NELL1: variants seen among roughly 807,000 people sequenced by gnomAD.
NELL1 encodes neural EGFL like 1.
In NELL1, 76 loss-of-function variants were observed where a neutral mutation model predicts 107.4. The ratio of observed to expected loss-of-function variants is 0.71; its 90% CI spans 0.59 to 0.86. NELL1 has a LOEUF of 0.86. Among genes scored for constraint, NELL1 ranks in the 40% least tolerant of loss-of-function variants. The probability of loss-of-function intolerance (pLI) is 0.00; values close to 1 mark genes in which losing one functional copy is unlikely to be tolerated. For synonymous variants in NELL1, 353 were observed against 341.2 expected, an observed-to-expected ratio of 1.03 and a Z score of -0.38; for missense variants, 1,024 against 1,005.5, an observed-to-expected ratio of 1.02 and a Z score of -0.25.
intron 12 of NELL1, among the ~76,000 whole-genome samples, chr11:21,014,070 A>G (rs933987974): frequency 6.6e-6 from 1 of 152,008 alleles, no homozygotes; most frequent in East Asian, 1.9e-4. Context: ...TTGTTTCTCT[A>G]ATTGTTCCAG....
intron 12 of NELL1, among the ~76,000 whole-genome samples, chr11:21,091,041 A>C (rs1443079756): frequency 6.6e-6 from 1 of 152,212 alleles, no homozygotes; most frequent in Non-Finnish European, 1.5e-5. Context: ...GATGATGAAT[A>C]CACATTTTCT....
chr11:20,994,830 A>G (rs901142730), intron 12 of NELL1, among the ~76,000 whole-genome samples: 2 of 152,230 alleles, frequency 1.3e-5, no homozygotes, highest in Non-Finnish European at 2.9e-5. Flanking sequence ...TTTAATTTCT[A>G]ATAAGGTAAC....
intron 16 of NELL1, among the ~76,000 whole-genome samples, chr11:21,547,291 T>A (rs1856466125): frequency 6.6e-6 from 1 of 151,910 alleles, no homozygotes; most frequent in African/African-American, 2.4e-5. Flanking sequence ...AGCAGCCTGA[T>A]TATAGATGTG....
chr11:20,715,672 C>T (rs1052245409), intron 2 of NELL1, among the ~76,000 whole-genome samples: 1 of 152,234 alleles, frequency 6.6e-6, no homozygotes, highest in East Asian at 1.9e-4. Flanking sequence ...TTAACCAGGA[C>T]AGATGGTTGT....
intron 2 of NELL1, among the ~76,000 whole-genome samples, chr11:20,737,043 G>C (rs926393785): frequency 6.6e-6 from 1 of 152,064 alleles, no homozygotes; most frequent in East Asian, 1.9e-4. Context: ...GTGAGCCACC[G>C]TGCTTGCCCC....
intron 3 of NELL1, among the ~76,000 whole-genome samples, chr11:20,796,460 A>G (rs1411511316): frequency 1.3e-5 from 2 of 152,176 alleles, no homozygotes; most frequent in African/African-American, 4.8e-5. Flanking sequence ...GAGATACAAC[A>G]TTGGCTTATA....
intron 15 of NELL1, among the ~76,000 whole-genome samples, chr11:21,396,666 TGA>T (rs1851988545): frequency 6.6e-6 from 1 of 151,636 alleles, no homozygotes; most frequent in Admixed American, 6.6e-5. Context: ...AAACTCTGTA[TGA>T]GAGGTTTAGA....
At chr11:21,234,264 C>T (rs1858142119) in intron 14 of NELL1, among the ~76,000 whole-genome samples, 1 of 152,146 alleles carries the variant, frequency 6.6e-6, no homozygotes. Context: ...AAATACAAAG[C>T]TTTGAAATTT....
chr11:20,765,767 G>C (rs921339602), intron 2 of NELL1, among the ~76,000 whole-genome samples: 1 of 152,070 alleles, frequency 6.6e-6, no homozygotes, highest in Non-Finnish European at 1.5e-5. Flanking sequence ...GTAGAGTTTT[G>C]TTGGTCATAT....
chr11:21,250,048 G>A (rs1157559089), intron 14 of NELL1, among the ~76,000 whole-genome samples: 1 of 152,126 alleles, frequency 6.6e-6, no homozygotes, highest in African/African-American at 2.4e-5. Flanking sequence ...GAGCTTTCAT[G>A]TTTACTGTAA....
chr11:21,114,618 T>A (rs1199837334), intron 13 of NELL1, among the ~76,000 whole-genome samples: 1 of 152,000 alleles, frequency 6.6e-6, no homozygotes, highest in Non-Finnish European at 1.5e-5. Context: ...GGGCACATGT[T>A]AGTATGTCCA....
At chr11:20,759,796 C>T (rs920934533) in intron 2 of NELL1, among the ~76,000 whole-genome samples, 6 of 152,188 alleles carry the variant, frequency 3.9e-5, no homozygotes, top group Non-Finnish European at 7.3e-5. Context: ...GTGTCCTCCC[C>T]ACTTTGACCA....
intron 12 of NELL1, among the ~76,000 whole-genome samples, chr11:21,024,074 T>C (rs78369609): frequency 0.011 from 1,701 of 152,130 alleles, 39 homozygotes; most frequent in African/African-American, 0.039. Context: ...TTCTCAAAAG[T>C]AATAACAATT....
At chr11:20,680,854 C>T (rs190833316) in intron 2 of NELL1, among the ~76,000 whole-genome samples, 266 of 152,212 alleles carry the variant, frequency 1.7e-3, no homozygotes, top group African/African-American at 5.9e-3. Context: ...TCTCAGTCTT[C>T]TTCAGTCCAA....
chr11:20,677,667 C>G (rs569012194), intron 1 of NELL1, among the ~76,000 whole-genome samples: 1 of 152,028 alleles, frequency 6.6e-6, no homozygotes, highest in East Asian at 1.9e-4. Flanking sequence ...CTTCTGAATT[C>G]TGAACTATAT....
At chr11:21,282,396 C>G (rs1330247509) in intron 14 of NELL1, among the ~76,000 whole-genome samples, 1 of 148,232 alleles carries the variant, frequency 6.7e-6, no homozygotes, top group Non-Finnish European at 1.5e-5. Context: ...ACGGGAATCG[C>G]TTGAGCTTGA....
In NELL1 at chr11:21,035,559, C is replaced by T. The variant is rs80127794; in HGVS notation, c.1300+74999C>T. Reference sequence around the variant, plus strand: ...CCACGATCAAGTAGGCTTTTTCCCTCGAACGCAAGCTTGGTTCAACATATG... The same window carrying T: ...CCACGATCAAGTAGGCTTTTTCCCTTGAACGCAAGCTTGGTTCAACATATG... On this transcript the variant is annotated intron_variant, in intron 12 of 19. Transcript: ENST00000357134. 1.4e-4 allele frequency among the ~76,000 whole-genome samples: 21 copies of T among 151,640 alleles called. No individual in the cohort carries two copies. In the South Asian group the frequency reaches 2.7e-3, roughly 20 times the overall value.
chr11:20,846,864 C>A (rs1848709771), intron 3 of NELL1, among the ~76,000 whole-genome samples: 1 of 152,098 alleles, frequency 6.6e-6, no homozygotes, highest in African/African-American at 2.4e-5. Flanking sequence ...CTGTTGTGTG[C>A]CTGAGGAGTG....
intron 14 of NELL1, among the ~76,000 whole-genome samples, chr11:21,350,810 T>C (rs1850792622): frequency 6.6e-6 from 1 of 152,124 alleles, no homozygotes; most frequent in African/African-American, 2.4e-5. Flanking sequence ...ATAAATGTTA[T>C]ATGAGTACAA....
Sources: gnomAD v4.1 joint callset for allele counts (sites outside exome capture counted in the v4.1 genomes callset) on GRCh38, gnomAD v4.1.1 for gene constraint, MANE v1.5 for transcripts, NCBI Gene and HGNC (gene_info 2026-07-23, HGNC 2026-07-21) for gene names.